STARD13: variants seen among roughly 807,000 people sequenced by gnomAD.
STARD13 encodes stAR-related lipid transfer protein 13.
Under a neutral mutation model 106.4 loss-of-function variants are expected in STARD13, and 62 were observed. The ratio of observed to expected loss-of-function variants is 0.58; its 90% CI spans 0.48 to 0.72. The LOEUF (loss-of-function observed/expected upper bound fraction) is 0.72. Among genes scored for constraint, STARD13 ranks in the 30% least tolerant of loss-of-function variants. The pLI, the probability that STARD13 is intolerant of heterozygous loss-of-function variation, is 0.00. For missense variants in STARD13, 1,387 were observed against 1,424.0 expected, an observed-to-expected ratio of 0.97 and a Z score of 0.42; for synonymous variants, 565 against 553.0, an observed-to-expected ratio of 1.02 and a Z score of -0.31.
the STARD13 span, among the ~76,000 whole-genome samples, chr13:33,650,189 T>G: frequency 1.0e-5 from 1 of 100,082 alleles, no homozygotes; most frequent in Admixed American, 1.0e-4. Context: ...TTTTTTTTTT[T>G]TTTTTTTTTT....
chr13:33,506,313 T>C, the STARD13 span, among the ~76,000 whole-genome samples: 1 of 152,192 alleles, frequency 6.6e-6, no homozygotes, highest in Admixed American at 6.6e-5. Flanking sequence ...CCATTTTTCC[T>C]TGAATGAACA....
At chr13:33,292,269 CA>C (rs1286412606) in intron 1 of STARD13, among the ~76,000 whole-genome samples, 1 of 151,944 alleles carries the variant, frequency 6.6e-6, no homozygotes, top group Non-Finnish European at 1.5e-5. Context: ...AAACAGTGGT[CA>C]AGATAAATAC....
At chr13:33,213,686 T>C (rs1367786885) in intron 1 of STARD13, among the ~76,000 whole-genome samples, 2 of 152,226 alleles carry the variant, frequency 1.3e-5, no homozygotes. Flanking sequence ...CAAGACAAGA[T>C]TGGATTTGCC....
the STARD13 span, chr13:33,520,237 G>C: frequency 6.6e-6 from 1 of 152,148 alleles, no homozygotes; most frequent in Non-Finnish European, 1.5e-5. Context: ...GGAGAAATAT[G>C]TTTGTCTGGT....
intron 1 of STARD13, chr13:33,349,302 C>G (rs2078047625): frequency 2.9e-6 from 2 of 696,918 alleles, no homozygotes; most frequent in Non-Finnish European, 5.2e-6. Flanking sequence ...CCCCCAGTCC[C>G]CGAAGCATCT....
At chr13:33,552,112 A>G in the STARD13 span, among the ~76,000 whole-genome samples, 1 of 152,168 alleles carries the variant, frequency 6.6e-6, no homozygotes, top group Non-Finnish European at 1.5e-5. Context: ...AAAGTTATAT[A>G]TATACCTCAG....
the STARD13 span, among the ~76,000 whole-genome samples, chr13:33,388,960 T>C: frequency 6.6e-6 from 1 of 150,976 alleles, no homozygotes; most frequent in Non-Finnish European, 1.5e-5. Context: ...CCTTCTTTTT[T>C]TTTTTTTTTT....
chr13:33,125,153 C>A (rs948690297), intron 7 of STARD13, among the ~76,000 whole-genome samples: 11 of 152,186 alleles, frequency 7.2e-5, no homozygotes, highest in Admixed American at 3.3e-4. Flanking sequence ...ACAAGCATCA[C>A]TAGCCAGCTC....
chr13:33,299,798 T>C (rs1892641462), intron 1 of STARD13, among the ~76,000 whole-genome samples: 4 of 152,226 alleles, frequency 2.6e-5, no homozygotes, highest in Admixed American at 2.6e-4. Flanking sequence ...TCTTGGTGCT[T>C]GGAATGCATC....
chr13:33,222,577 C>T (rs1888415503), intron 1 of STARD13, among the ~76,000 whole-genome samples: 1 of 152,192 alleles, frequency 6.6e-6, no homozygotes, highest in Non-Finnish European at 1.5e-5. Context: ...ACATAAGCAT[C>T]CAATATATAA....
chr13:33,597,527 T>A, the STARD13 span, among the ~76,000 whole-genome samples: 1 of 151,910 alleles, frequency 6.6e-6, no homozygotes, highest in East Asian at 1.9e-4. Context: ...TTGGGCAGAG[T>A]AGTGGGTGCT....
chr13:33,452,041 TAGG>T, the STARD13 span, among the ~76,000 whole-genome samples: 11 of 152,166 alleles, frequency 7.2e-5, no homozygotes, highest in African/African-American at 2.7e-4. Context: ...ATGCTGGCCT[TAGG>T]AGGTACCTTG....
intron 1 of STARD13, among the ~76,000 whole-genome samples, chr13:33,213,838 C>T (rs765765370): frequency 6.6e-6 from 1 of 152,156 alleles, no homozygotes; most frequent in Non-Finnish European, 1.5e-5. Context: ...TATCTTTAAT[C>T]CTGGGCAGAG....
At chr13:33,338,136 C>T (rs1334663708) in intron 1 of STARD13, among the ~76,000 whole-genome samples, 2 of 152,146 alleles carry the variant, frequency 1.3e-5, no homozygotes, top group East Asian at 3.8e-4. Context: ...TGCTAAGTAG[C>T]CAAAGCTTCA....
chr13:33,440,330 A>G, the STARD13 span, among the ~76,000 whole-genome samples: 2 of 151,840 alleles, frequency 1.3e-5, no homozygotes, highest in African/African-American at 2.4e-5. Flanking sequence ...TGAGAAGAAG[A>G]CTAAAGTCTA....
At chr13:33,266,915 T>C (rs1366458410) in intron 1 of STARD13, among the ~76,000 whole-genome samples, 1 of 152,228 alleles carries the variant, frequency 6.6e-6, no homozygotes, top group East Asian at 1.9e-4. Flanking sequence ...CAAATATTTG[T>C]TGAGATATTG....
intron 3 of STARD13, among the ~76,000 whole-genome samples, chr13:33,145,913 G>T (rs1880467184): frequency 6.6e-6 from 1 of 152,194 alleles, no homozygotes; most frequent in African/African-American, 2.4e-5. Flanking sequence ...GGCTGGGCAT[G>T]GTGGCTCATG....
chr13:33,128,376 A>C (rs1183888809), intron 5 of STARD13, among the ~76,000 whole-genome samples: 1 of 152,224 alleles, frequency 6.6e-6, no homozygotes, highest in African/African-American at 2.4e-5. Context: ...CCCTTGCCTC[A>C]ACCAGAAACC....
At chr13:33,429,520 T>C in the STARD13 span, among the ~76,000 whole-genome samples, 34 of 144,618 alleles carry the variant, frequency 2.4e-4, no homozygotes, top group Non-Finnish European at 4.6e-4. Flanking sequence ...CGAGACTCCG[T>C]CTCAAAAAAA....
Sources: gnomAD v4.1 joint callset for allele counts (sites outside exome capture counted in the v4.1 genomes callset) on GRCh38, gnomAD v4.1.1 for gene constraint, MANE v1.5 for transcripts, NCBI Gene and HGNC (gene_info 2026-07-23, HGNC 2026-07-21) for gene names.